The following KLF16 variants were observed in gnomAD, a reference collection of about 807,000 sequenced individuals.
KLF16 encodes the protein Krueppel-like factor 16.
In KLF16, 6 loss-of-function variants were observed where a neutral mutation model predicts 6.1. The ratio of observed to expected loss-of-function variants is 0.98; its 90% CI spans 0.54 to 1.93. The LOEUF is 1.93. Ranked by LOEUF, KLF16 falls within the 30% of genes most tolerant of loss-of-function variation. The probability of loss-of-function intolerance (pLI) is 0.01; values close to 1 mark genes in which losing one functional copy is unlikely to be tolerated. For synonymous variants in KLF16, 211 were observed against 176.5 expected (o/e 1.20, Z -1.55); for missense variants, 355 against 363.8 (o/e 0.98, Z 0.20).
chr19:1,870,593 T>C, the KLF16 span, among the ~76,000 whole-genome samples: 1 of 151,880 alleles, frequency 6.6e-6, no homozygotes, highest in Non-Finnish European at 1.5e-5. Context: ...CACTCGAGCC[T>C]AGGACTGGGA....
chr19:1,873,813 T>C, the KLF16 span, among the ~76,000 whole-genome samples: 3 of 152,228 alleles, frequency 2.0e-5, no homozygotes, highest in African/African-American at 4.8e-5. Flanking sequence ...AGGGTGGAAG[T>C]TGGCCTGACA....
the KLF16 span, chr19:1,875,630 G>A: frequency 6.6e-6 from 1 of 152,284 alleles, no homozygotes; most frequent in Non-Finnish European, 1.5e-5. Flanking sequence ...AGGCAATGAA[G>A]ACACGGCGGA....
At chr19:1,872,627 G>T in the KLF16 span, among the ~76,000 whole-genome samples, 1 of 152,226 alleles carries the variant, frequency 6.6e-6, no homozygotes, top group Non-Finnish European at 1.5e-5. Context: ...ATAGGCTCTG[G>T]TCTGGCGGGA....
intron 1 of KLF16, among the ~76,000 whole-genome samples, chr19:1,858,455 T>A (rs2011997901): frequency 6.6e-6 from 1 of 152,166 alleles, no homozygotes; most frequent in Non-Finnish European, 1.5e-5. Context: ...CTTGTGGGTG[T>A]AATATCTGCA....
chr19:1,866,794 AG>A (rs2012195502), upstream of KLF16, among the ~76,000 whole-genome samples: 1 of 150,416 alleles, frequency 6.6e-6, no homozygotes, highest in Admixed American at 6.6e-5. Context: ...AAAAAAAAAA[AG>A]GAGTTGTCAT....
chr19:1,867,828 C>T (rs2012210858), upstream of KLF16, among the ~76,000 whole-genome samples: 1 of 152,116 alleles, frequency 6.6e-6, no homozygotes, highest in South Asian at 2.1e-4. Context: ...GATTGTACTA[C>T]TGCACTCCAG....
chr19:1,871,966 A>G, the KLF16 span, among the ~76,000 whole-genome samples: 3 of 151,922 alleles, frequency 2.0e-5, no homozygotes, highest in African/African-American at 7.3e-5. Context: ...CTGCACCCCC[A>G]GCCCCTCCTC....
chr19:1,871,911 C>A, the KLF16 span, among the ~76,000 whole-genome samples: 1 of 152,136 alleles, frequency 6.6e-6, no homozygotes, highest in Non-Finnish European at 1.5e-5. Context: ...GCAGCAGGGG[C>A]AGGATCCGGC....
chr19:1,867,518 A>G (rs116148155), upstream of KLF16, among the ~76,000 whole-genome samples: 1 of 151,500 alleles, frequency 6.6e-6, no homozygotes, highest in African/African-American at 2.4e-5. Flanking sequence ...AAGGCTGCAG[A>G]GAGCTGTGAT....
At chr19:1,876,215 CG>C in the KLF16 span, 2 of 152,660 alleles carry the variant, frequency 1.3e-5, no homozygotes, top group Admixed American at 6.5e-5. Flanking sequence ...GCTGCGGCCC[CG>C]CACGTGACGC....
At position 1,862,841 on chromosome 19, in the gene KLF16, C is replaced by A. The variant is rs1234889489; in HGVS notation, c.457+200G>T. The A allele has an allele frequency of 2.5e-3, 763 of 300,128 alleles. 19 individuals carry two copies. The East Asian group carries it at 0.037, about 15-fold the overall frequency. The allele number at this position is 300,128 out of a possible 1,614,324, so 18.6% of individuals were successfully genotyped here. A position where few individuals can be genotyped will look rare whatever the true frequency, so the allele number is the denominator to read the frequency against. On this transcript the variant is annotated intron_variant, in intron 1 of 1. Transcript: ENST00000250916. ...CGCCACTGCCGCCGGGGCGGCCATC[C>A]GCTCGCCGCCCGACCGCGTGGCCGC...
the KLF16 span, chr19:1,875,374 A>T: frequency 6.6e-6 from 1 of 152,246 alleles, no homozygotes; most frequent in Non-Finnish European, 1.5e-5. Context: ...TACGTTAAGT[A>T]TAAGAGCCCC....
chr19:1,862,553 G>T (rs1169111788), intron 1 of KLF16, among the ~76,000 whole-genome samples: 1 of 152,004 alleles, frequency 6.6e-6, no homozygotes, highest in Non-Finnish European at 1.5e-5. Flanking sequence ...CAGGTGCTCT[G>T]CCGACCTCTG....
chr19:1,865,188 G>A (rs1017293544), upstream of KLF16, among the ~76,000 whole-genome samples: 4 of 152,230 alleles, frequency 2.6e-5, no homozygotes, highest in Admixed American at 2.6e-4. Flanking sequence ...GTTCAGCGAA[G>A]TGTGGGAGGG....
At chr19:1,862,747 A>G (rs8113064) in intron 1 of KLF16, 83,083 of 339,692 alleles carry the variant, frequency 0.24, 12,852 homozygotes, top group African/African-American at 0.49. Context: ...AAGGCCCAGA[A>G]AGGGAGAGAG....
rs1177380309 is a variant in KLF16 at position 1,853,291 on chromosome 19, CG to C, written c.*1167del. The C allele has an allele frequency of 1.3e-5, 2 of 152,262 alleles. No homozygotes were observed. Among genetic ancestry groups the C allele is most frequent in the Non-Finnish European group, 2.9e-5 (2 of 68,154 alleles). 9.4% of individuals were successfully genotyped at this position (152,262 alleles called of 1,614,324 possible). A position where few individuals can be genotyped will look rare whatever the true frequency, so the allele number is the denominator to read the frequency against. ...TCCGTGCCTGAAAAAATATTCTACC[CG>C]GTGCAAAAAAAACGAGCTACCCCAG... On this transcript the variant is annotated 3_prime_UTR_variant, in exon 2 of 2. Transcript: ENST00000250916.
chr19:1,872,189 G>A, the KLF16 span, among the ~76,000 whole-genome samples: 5 of 152,146 alleles, frequency 3.3e-5, no homozygotes, highest in Non-Finnish European at 5.9e-5. Flanking sequence ...GGAGTGCAGT[G>A]GTGCAATCTT....
In KLF16 at chr19:1,854,221, G is replaced by C. The variant is rs925716631; in HGVS notation, c.*238C>G. 4 of 462,658 alleles carry C rather than the reference G, an allele frequency of 8.6e-6. No individual in the cohort carries two copies. Among genetic ancestry groups the C allele is most frequent in the Non-Finnish European group, 1.4e-5 (4 of 276,846 alleles). The allele number at this position is 462,658 out of a possible 1,614,324, so 28.7% of individuals were successfully genotyped here. A position where few individuals can be genotyped will look rare whatever the true frequency, so the allele number is the denominator to read the frequency against. On this transcript the variant is annotated 3_prime_UTR_variant, in exon 2 of 2. Coordinates refer to ENST00000250916, the MANE Select transcript of KLF16 (RefSeq NM_031918.4). Reference sequence around the variant, plus strand: ...GGGGGCCCCGTTGCACAGATGGGAAGAAAGTTAGTATCATGGCTATTTACA... The same window carrying C: ...GGGGGCCCCGTTGCACAGATGGGAACAAAGTTAGTATCATGGCTATTTACA...
chr19:1,867,927 C>CGTGTGTGTGTGTGTGT (rs71174389), upstream of KLF16, among the ~76,000 whole-genome samples: 19 of 147,978 alleles, frequency 1.3e-4, no homozygotes, highest in East Asian at 4.0e-4. Flanking sequence ...TATGTAAGGA[C>CGTGTGTGTGTGTGTGT]GTGTGTGTGT....
Sources: allele counts gnomAD v4.1 joint callset (sites outside exome capture counted in the v4.1 genomes callset), GRCh38; gene constraint gnomAD v4.1.1; transcripts MANE v1.5; gene names NCBI Gene and HGNC (gene_info 2026-07-23, HGNC 2026-07-21).